UBA1: variants seen among roughly 807,000 people sequenced by gnomAD.
The protein encoded by UBA1 is ubiquitin like modifier activating enzyme 1.
UBA1 carries 4 observed loss-of-function variants against 84.7 expected under a neutral mutation model. The ratio of observed to expected loss-of-function variants is 0.05; its 90% CI spans 0.02 to 0.11. The LOEUF is 0.11. Among genes scored for constraint, UBA1 ranks in the 10% least tolerant of loss-of-function variants. UBA1 has a pLI of 1.00. For synonymous variants in UBA1, 364 were observed against 362.6 expected (o/e 1.00, Z -0.04); for missense variants, 513 against 902.8 (o/e 0.57, Z 5.53).
At chrX:47,198,993 T>TC (rs1313291130) in intron 2 of UBA1, 55 bp from the exon 3 acceptor site, 1 of 1,204,161 alleles carries the variant, frequency 8.3e-7, no homozygotes, top group Non-Finnish European at 1.1e-6. Context: ...TGTCTGTCTA[T>TC]CCATGCTCCA....
At chrX:47,205,853 CA>C (rs1174357791) in intron 14 of UBA1, 94 bp from the exon 15 acceptor site, 133 of 1,032,389 alleles carry the variant, frequency 1.3e-4, no homozygotes, top group Middle Eastern at 5.0e-4. Context: ...GACCCTGTCT[CA>C]AAAAAAATAA....
At chrX:47,203,746 T>TA in intron 14 of UBA1, 50 bp downstream of exon 14, 13 of 1,000,366 alleles carry the variant, frequency 1.3e-5, no homozygotes, top group African/African-American at 2.9e-5. Flanking sequence ...TCCTCCTTTT[T>TA]CTTTTTTTTT....
At chrX:47,201,690 G>C (rs1345975583) in intron 8 of UBA1, 80 bp downstream of exon 8, 5 of 1,104,481 alleles carry the variant, frequency 4.5e-6, no homozygotes, top group Non-Finnish European at 6.2e-6. Flanking sequence ...GAAGGGAGAA[G>C]ACATGGCCCT....
intron 1 of UBA1, among the ~76,000 whole-genome samples, chrX:47,196,872 C>G (rs981149496): frequency 1.8e-5 from 2 of 112,006 alleles, no homozygotes; most frequent in East Asian, 5.6e-4. Flanking sequence ...GGCCACTACA[C>G]GTGCCCAGGG....
intron 20 of UBA1, among the ~76,000 whole-genome samples, chrX:47,211,825 A>G (rs1350970629): frequency 4.7e-5 from 5 of 106,927 alleles, no homozygotes; most frequent in African/African-American, 1.7e-4. Flanking sequence ...CATGGTCCCC[A>G]TCTTCCTTCT....
At chrX:47,197,959 C>T (rs28633931) in intron 1 of UBA1, 6 of 828,286 alleles carry the variant, frequency 7.2e-6, no homozygotes, top group African/African-American at 2.2e-5. Context: ...GCATCTGGCA[C>T]AAGGAGGACT....
intron 17 of UBA1, 68 bp from the exon 18 acceptor site, chrX:47,209,860 A>T: frequency 1.7e-6 from 2 of 1,161,153 alleles, no homozygotes; most frequent in Non-Finnish European, 2.4e-6. Context: ...AGAAAGTAAG[A>T]TTGCTCTGGA....
In UBA1 at chrX:47,209,680, T is replaced by C. The variant is rs1556792726; in HGVS notation, c.1996T>C (p.Tyr666His). The C allele has an allele frequency of 4.1e-6, 5 of 1,209,351 alleles. No individual in the cohort carries two copies. The part of the protein sequence containing the change: ...FKQPAENVNQ[Y>H]LTDPKFVERT... ...GCAGCCAGCAGAAAATGTCAACCAGTACCTCACGTGAGTAACTCGAGTGCC... is the reference window on the plus strand; with the variant it reads ...GCAGCCAGCAGAAAATGTCAACCAGCACCTCACGTGAGTAACTCGAGTGCC... The change falls in exon 17 of 26, where the codon TAC (tyrosine) becomes CAC (histidine). Residue 666 changes from tyrosine to histidine, a missense_variant. Tyr to His is a moderately conservative substitution (Grantham distance 83). Around this residue, in one of 6 missense-constraint regions of UBA1, gnomAD observed 40 missense variants for 138.3 expected, o/e 0.29. Transcript: ENST00000335972.
Position 47,215,126 on chromosome X carries a change from C to T in UBA1, c.*197C>T. The T allele has an allele frequency of 1.9e-6, 1 of 527,812 alleles. No homozygotes were observed. Among genetic ancestry groups the T allele is most frequent in the Non-Finnish European group, 3.1e-6 (1 of 323,893 alleles). 43.5% of individuals were successfully genotyped at this position (527,812 alleles called of 1,213,427 possible). On this transcript the variant is annotated 3_prime_UTR_variant, in exon 26 of 26. Coordinates refer to ENST00000335972, the MANE Select transcript of UBA1 (RefSeq NM_003334.4). ...AATCCTAATAAAGAATTAATAACTC[C>T]CACATCGCCTGCCCTGCTGGTTCCA... is the stretch of plus-strand genomic sequence containing the variant.
chrX:47,209,338 G>A, intron 16 of UBA1: 1 of 440,838 alleles, frequency 2.3e-6, no homozygotes, highest in Non-Finnish European at 4.0e-6. Flanking sequence ...ATTTTTAGTA[G>A]AGATGGGGTT....
chrX:47,208,244 A>G (rs1327001429), intron 16 of UBA1, among the ~76,000 whole-genome samples: 1 of 112,122 alleles, frequency 8.9e-6, no homozygotes, highest in Non-Finnish European at 1.9e-5. Flanking sequence ...GCTCACTGCA[A>G]CCTTCCAACT....
intron 5 of UBA1, among the ~76,000 whole-genome samples, chrX:47,199,821 C>T (rs1226674659): frequency 3.8e-5 from 4 of 106,061 alleles, no homozygotes; most frequent in African/African-American, 1.4e-4. Context: ...CTTGCTCTGT[C>T]GCCCAAGCTA....
chrX:47,202,778 C>T lies in UBA1; in HGVS notation c.1197C>T (p.Ala399=), dbSNP rs782593880. The part of the protein sequence containing the change: ...VAAGDLAPIN[A]FIGGLAAQEV... ...CTGGGGATCTGGCACCCATAAACGCCTTCATTGGGGGCCTGGCTGCCCAGG... is the reference window on the plus strand; with the variant it reads ...CTGGGGATCTGGCACCCATAAACGCTTTCATTGGGGGCCTGGCTGCCCAGG... The change falls in exon 11 of 26, where the codon GCC becomes GCT. Residue 399 remains alanine (A), a synonymous_variant. Transcript: ENST00000335972. 1.5e-5 allele frequency: 18 copies of T among 1,209,281 alleles called. No individual in the cohort carries two copies. The South Asian group carries it at 2.5e-4, about 17-fold the overall frequency.
intron 8 of UBA1, among the ~76,000 whole-genome samples, chrX:47,201,847 T>C (rs1216377439): frequency 4.5e-5 from 5 of 111,012 alleles, no homozygotes; most frequent in Non-Finnish European, 9.4e-5. Flanking sequence ...CTGAGCTGAG[T>C]GGGGAAAAAG....
chrX:47,211,619 T>G (rs1345631254), intron 20 of UBA1, among the ~76,000 whole-genome samples: 2 of 110,420 alleles, frequency 1.8e-5, no homozygotes, highest in African/African-American at 6.6e-5. Context: ...TACCTGCATG[T>G]TTCTCTGTGC....
At chrX:47,198,118 A>T in intron 1 of UBA1, 1 of 912,611 alleles carries the variant, frequency 1.1e-6, no homozygotes. Context: ...AGCTGGGGGC[A>T]GGGTTGGGCT....
At position 47,203,167 on chromosome X, in the gene UBA1, T is replaced by G; in HGVS notation, c.1372T>G (p.Phe458Val). 8.3e-7 allele frequency: 1 copy of G among 1,212,051 alleles called. No individual in the cohort carries two copies. Among genetic ancestry groups the G allele is most frequent in the Non-Finnish European group, 1.1e-6 (1 of 895,613 alleles). ...CCGTTATGACGGGCAAGTGGCTGTG[T>G]TTGGCTCAGACCTGCAAGAGAAGCT... ...QNRYDGQVAV[F>V]GSDLQEKLGK... The change falls in exon 13 of 26, where the codon TTT becomes GTT. Residue 458 changes from phenylalanine to valine, a missense_variant. Phe to Val is a conservative substitution (Grantham distance 50). Transcript: ENST00000335972.
intron 15 of UBA1, 61 bp downstream of exon 15, chrX:47,206,174 T>TAC (rs1936666050): frequency 8.5e-7 from 1 of 1,178,116 alleles, no homozygotes. Context: ...GGTGTGTATA[T>TAC]ACCAAGAGGG....
At chrX:47,197,334 G>A (rs923142299) in intron 1 of UBA1, 3 of 755,018 alleles carry the variant, frequency 4.0e-6, no homozygotes, top group Non-Finnish European at 4.7e-6. Context: ...CATGGGGATT[G>A]TTAAGATTAG....
Sources: allele counts gnomAD v4.1 joint callset (sites outside exome capture counted in the v4.1 genomes callset), GRCh38; gene constraint gnomAD v4.1.1; regional missense constraint gnomAD v4.1.1; transcripts MANE v1.5; gene names NCBI Gene and HGNC (gene_info 2026-07-23, HGNC 2026-07-21).